The following PLEKHB2 variants were observed in gnomAD, a reference collection of about 807,000 sequenced individuals.
The protein encoded by PLEKHB2 is pleckstrin homology domain containing B2.
Under a neutral mutation model 36.5 loss-of-function variants are expected in PLEKHB2, and 31 were observed. That is an observed-to-expected ratio of 0.85 (90% confidence interval 0.64 to 1.15). PLEKHB2 has a LOEUF of 1.15. PLEKHB2 is among the 50% of genes most tolerant of loss of function. The pLI is 0.00. For synonymous variants in PLEKHB2, 119 were observed against 112.0 expected (o/e 1.06, Z -0.39); for missense variants, 262 against 295.3 (o/e 0.89, Z 0.83).
intron 1 of PLEKHB2, among the ~76,000 whole-genome samples, chr2:131,114,381 C>T (rs1162119289): frequency 6.6e-6 from 1 of 152,212 alleles, no homozygotes; most frequent in African/African-American, 2.4e-5. Context: ...TCCTCAGCCT[C>T]CCAAAGTGCT....
At chr2:131,127,492 C>A (rs1386250170) in intron 4 of PLEKHB2, among the ~76,000 whole-genome samples, 1 of 152,190 alleles carries the variant, frequency 6.6e-6, no homozygotes, top group African/African-American at 2.4e-5. Flanking sequence ...TATCCTATTT[C>A]CACATAAGGT....
chr2:131,125,928 A>C (rs199596148), intron 3 of PLEKHB2, 23 bp downstream of exon 3: 8 of 1,606,550 alleles, frequency 5.0e-6, no homozygotes, highest in South Asian at 3.3e-5. Flanking sequence ...GTCTTGGCCA[A>C]CTTCTGTCTT....
At position 131,132,972 on chromosome 2, in the gene PLEKHB2, A is replaced by G. The variant is rs146893712; in HGVS notation, c.404A>G (p.Tyr135Cys). The G allele has an allele frequency of 8.4e-4, 1,357 of 1,613,582 alleles. 1 individual carries two copies. Among genetic ancestry groups the G allele is most frequent in the Non-Finnish European group, 1.1e-3 (1,297 of 1,179,656 alleles). ...VVSSPPPYTA[Y>C]AAPAPEQAYG... ...TCCTCACCTCCACCATACACGGCCT[A>G]TGCTGCACCGGCCCCTGAGGTAGGG... is the stretch of plus-strand genomic sequence containing the variant. The change falls in exon 6 of 8, where the codon TAT becomes TGT. Residue 135 changes from tyrosine (Y) to cysteine (C), a missense_variant. By Grantham distance (194) the Tyr-to-Cys change is radical. Coordinates refer to ENST00000693505, the MANE Select transcript of PLEKHB2 (RefSeq NM_001100623.2).
intron 6 of PLEKHB2, among the ~76,000 whole-genome samples, chr2:131,133,427 T>C (rs1324512995): frequency 6.6e-6 from 1 of 152,260 alleles, no homozygotes; most frequent in African/African-American, 2.4e-5. Flanking sequence ...TGTAAGTCTG[T>C]TGTGTGGAAC....
intron 7 of PLEKHB2, chr2:131,144,407 G>A (rs911268167): frequency 8.2e-7 from 1 of 1,226,474 alleles, no homozygotes; most frequent in African/African-American, 1.6e-5. Context: ...CTGTCTTGTA[G>A]AGACCATCCT....
At chr2:131,110,750 G>C (rs77727775) in intron 1 of PLEKHB2, among the ~76,000 whole-genome samples, 257 of 152,178 alleles carry the variant, frequency 1.7e-3, no homozygotes, top group African/African-American at 5.9e-3. Context: ...TATTGCTCTA[G>C]ATGTCCTGTG....
intron 7 of PLEKHB2, among the ~76,000 whole-genome samples, chr2:131,141,594 C>T (rs907075660): frequency 7.6e-5 from 11 of 144,852 alleles, no homozygotes; most frequent in Admixed American, 4.3e-4. Flanking sequence ...GAGCCGACAT[C>T]GTGTCACTGA....
At chr2:131,139,817 G>T (rs1057490940) in intron 6 of PLEKHB2, among the ~76,000 whole-genome samples, 8 of 152,160 alleles carry the variant, frequency 5.3e-5, no homozygotes, top group Non-Finnish European at 1.0e-4. Flanking sequence ...TTATCACCTG[G>T]TCCAACCTTA....
Position 131,149,674 on chromosome 2 carries a change from T to TA in PLEKHB2, c.*2902dup, listed in dbSNP as rs1249891777. ...TTTTTCCTTCCCTAGTGTATGTAGA[T>TA]ACAAGGCATGGAATGCAGTTCCACT... On this transcript the variant is annotated 3_prime_UTR_variant, in exon 8 of 8. Coordinates refer to ENST00000693505, the MANE Select transcript of PLEKHB2 (RefSeq NM_001100623.2). 26 of 152,352 alleles carry TA rather than the reference T, an allele frequency of 1.7e-4. No individual in the cohort carries two copies. Among genetic ancestry groups the TA allele is most frequent in the African/African-American group, 4.6e-4 (19 of 41,588 alleles). 9.4% of individuals were successfully genotyped at this position (152,352 alleles called of 1,614,324 possible). A position where few individuals can be genotyped will look rare whatever the true frequency, so the allele number is the denominator to read the frequency against.
At chr2:131,130,595 T>C in intron 4 of PLEKHB2, 126 bp from the exon 5 acceptor site, 1 of 742,360 alleles carries the variant, frequency 1.3e-6, no homozygotes, top group Non-Finnish European at 2.4e-6. Flanking sequence ...CTCAAGTGGT[T>C]TGGGGCAAAG....
intron 5 of PLEKHB2, 140 bp from the exon 6 acceptor site, chr2:131,132,762 T>G (rs1303304093): frequency 2.1e-5 from 11 of 527,208 alleles, no homozygotes; most frequent in South Asian, 1.0e-4. Context: ...ACTGGGGGAG[T>G]TTTTCCTGTT....
chr2:131,132,161 GT>G lies in PLEKHB2; in HGVS notation c.334-736del, dbSNP rs377419845. On this transcript the variant is annotated intron_variant, in intron 5 of 7. Coordinates refer to ENST00000693505, the MANE Select transcript of PLEKHB2 (RefSeq NM_001100623.2). ...TTCTTTTTTTTTAAAGAGCTAACAT[GT>G]TTTTCTTTAAATTATACTGGGGAGT... is the stretch of plus-strand genomic sequence containing the variant. 1.6e-3 allele frequency among the ~76,000 whole-genome samples: 244 copies of G among 151,626 alleles called. 1 individual carries two copies. The highest frequency in any genetic ancestry group is 5.8e-3 in the African/African-American group (238 of 41,324).
chr2:131,124,871 C>G (rs909124945), intron 2 of PLEKHB2, among the ~76,000 whole-genome samples: 1 of 151,922 alleles, frequency 6.6e-6, no homozygotes, highest in Admixed American at 6.6e-5. Flanking sequence ...CTGCAACCTC[C>G]ACCTCCTGCG....
intron 2 of PLEKHB2, among the ~76,000 whole-genome samples, chr2:131,122,793 A>ACT (rs920231382): frequency 1.3e-5 from 2 of 152,222 alleles, no homozygotes; most frequent in African/African-American, 2.4e-5. Context: ...GTCTTAGAAT[A>ACT]GACAAAGGTG....
At chr2:131,140,133 C>T (rs775677743) in intron 6 of PLEKHB2, 34 bp from the exon 7 acceptor site, 24 of 1,307,816 alleles carry the variant, frequency 1.8e-5, no homozygotes, top group Non-Finnish European at 3.3e-6. Flanking sequence ...AGAGGTTTCA[C>T]AATTGTATTT....
intron 6 of PLEKHB2, among the ~76,000 whole-genome samples, chr2:131,135,286 T>C (rs1248374365): frequency 6.6e-6 from 1 of 152,136 alleles, no homozygotes. Context: ...CAGGCTAGTT[T>C]CAAACTCCTG....
At chr2:131,106,593 T>C (rs1382223859) in intron 1 of PLEKHB2, among the ~76,000 whole-genome samples, 1 of 152,206 alleles carries the variant, frequency 6.6e-6, no homozygotes, top group Non-Finnish European at 1.5e-5. Context: ...AATACTGCTG[T>C]GACGGTTCAA....
chr2:131,114,225 G>A (rs1031247739), intron 1 of PLEKHB2, among the ~76,000 whole-genome samples: 5 of 152,170 alleles, frequency 3.3e-5, no homozygotes, highest in South Asian at 2.1e-4. Flanking sequence ...TCCTGGGTTC[G>A]CACCATTCTC....
intron 7 of PLEKHB2, among the ~76,000 whole-genome samples, chr2:131,145,384 A>C (rs1353551606): frequency 6.6e-6 from 1 of 152,184 alleles, no homozygotes; most frequent in East Asian, 1.9e-4. Flanking sequence ...TCTGTTGCCC[A>C]GACTGGATTG....
Sources: gnomAD v4.1 joint callset for allele counts (sites outside exome capture counted in the v4.1 genomes callset) on GRCh38, gnomAD v4.1.1 for gene constraint, MANE v1.5 for transcripts, NCBI Gene and HGNC (gene_info 2026-07-23, HGNC 2026-07-21) for gene names.